The following ZFP1 variants were observed in gnomAD, a reference collection of about 807,000 sequenced individuals.
ZFP1 encodes ZFP1 zinc finger protein.
In ZFP1, 32 loss-of-function variants were observed where a neutral mutation model predicts 38.5. That is an observed-to-expected ratio of 0.83 (90% CI 0.63 to 1.12). The LOEUF (loss-of-function observed/expected upper bound fraction) is 1.12, where lower values mean the gene tolerates loss of function less well. Ranked by LOEUF, ZFP1 falls within the 50% of genes most tolerant of loss-of-function variation. ZFP1 has a pLI of 0.00. For synonymous variants in ZFP1, 245 were observed against 168.8 expected (o/e 1.45, Z -3.50); for missense variants, 616 against 480.8 (o/e 1.28, Z -2.63).
the ZFP1 span, among the ~76,000 whole-genome samples, chr16:75,134,634 C>T: frequency 6.6e-6 from 1 of 151,828 alleles, no homozygotes; most frequent in South Asian, 2.1e-4. Context: ...CACCTGTAGT[C>T]CCAGCTACTC....
At chr16:75,168,115 C>T (rs913999365) in intron 3 of ZFP1, among the ~76,000 whole-genome samples, 33 of 152,064 alleles carry the variant, frequency 2.2e-4, no homozygotes, top group African/African-American at 7.5e-4. Flanking sequence ...CCTTGGCCTC[C>T]CAAAGTGCTG....
intron 2 of ZFP1, 125 bp from the exon 3 acceptor site, chr16:75,166,643 AAC>A: frequency 6.5e-7 from 1 of 1,527,046 alleles, no homozygotes; most frequent in East Asian, 2.3e-5. Flanking sequence ...CATGAACAAA[AAC>A]AGTGAACAAG....
rs535727175 is a variant in ZFP1, at chr16:75,152,851, G to A, written c.-43-58G>A. The A allele has an allele frequency of 2.7e-6, 4 of 1,496,424 alleles. No homozygotes were observed. In the South Asian group the frequency reaches 4.8e-5, roughly 18 times the overall value. 92.7% of individuals were successfully genotyped at this position (1,496,424 alleles called of 1,614,324 possible). A position where few individuals can be genotyped will look rare whatever the true frequency, so the allele number is the denominator to read the frequency against. On this transcript the variant is annotated intron_variant, in intron 1 of 3. Transcript: ENST00000570010. ...GGGGTTTCTAAACAAGTCATTCTAG[G>A]AGTTGTAAGGCAGGTCAGACCTTTA...
the ZFP1 span, among the ~76,000 whole-genome samples, chr16:75,139,391 A>C: frequency 7.6e-6 from 1 of 131,128 alleles, no homozygotes; most frequent in African/African-American, 4.3e-5. Context: ...AAAAAAAAAA[A>C]AAAAACACCG....
At chr16:75,124,837 TA>T in the ZFP1 span, among the ~76,000 whole-genome samples, 1,014 of 139,288 alleles carry the variant, frequency 7.3e-3, 6 homozygotes, top group Non-Finnish European at 0.012. Flanking sequence ...AAAAGAGATG[TA>T]AAAAAAAGTT....
At chr16:75,165,497 C>G (rs1433196550) in intron 2 of ZFP1, among the ~76,000 whole-genome samples, 1 of 151,968 alleles carries the variant, frequency 6.6e-6, no homozygotes, top group African/African-American at 2.4e-5. Context: ...CAGGTTCAAG[C>G]AATTCTCCTG....
chr16:75,122,100 C>A, the ZFP1 span, among the ~76,000 whole-genome samples: 2 of 152,204 alleles, frequency 1.3e-5, no homozygotes, highest in African/African-American at 2.4e-5. Flanking sequence ...TTAGTTTTCT[C>A]AGCAAGGCAA....
the ZFP1 span, among the ~76,000 whole-genome samples, chr16:75,123,093 C>T: frequency 3.9e-5 from 6 of 151,968 alleles, no homozygotes; most frequent in African/African-American, 1.5e-4. Flanking sequence ...GTGGCTCACA[C>T]CTGTAATCCC....
intron 3 of ZFP1, among the ~76,000 whole-genome samples, 183 bp downstream of exon 3, chr16:75,167,079 C>T (rs1030675481): frequency 6.6e-6 from 1 of 152,208 alleles, no homozygotes; most frequent in South Asian, 2.1e-4. Context: ...CTTCTGAAGT[C>T]CAGGCAATTA....
chr16:75,138,024 CTTTTTTTTTTTTTTT>C, the ZFP1 span, among the ~76,000 whole-genome samples: 12 of 64,974 alleles, frequency 1.8e-4, no homozygotes, highest in East Asian at 5.0e-4. Context: ...CTCCCACTTC[CTTTTTTTTTTTTTTT>C]TTTTTTTTTT....
intron 2 of ZFP1, among the ~76,000 whole-genome samples, chr16:75,155,870 C>T (rs914271316): frequency 5.9e-5 from 9 of 152,072 alleles, no homozygotes; most frequent in African/African-American, 2.2e-4. Context: ...ATTTAGTTAA[C>T]AAACTATAAC....
the ZFP1 span, among the ~76,000 whole-genome samples, chr16:75,138,724 C>G: frequency 6.6e-6 from 1 of 152,202 alleles, no homozygotes; most frequent in Non-Finnish European, 1.5e-5. Flanking sequence ...CAGAGCCAGC[C>G]GCAGCAGCGA....
upstream of ZFP1, among the ~76,000 whole-genome samples, chr16:75,146,310 C>T (rs1374348721): frequency 6.6e-6 from 1 of 152,020 alleles, no homozygotes; most frequent in Non-Finnish European, 1.5e-5. Flanking sequence ...CTACAGGTGC[C>T]CGCCACCACG....
At chr16:75,149,521 A>G (rs990941325) in intron 1 of ZFP1, among the ~76,000 whole-genome samples, 2 of 140,056 alleles carry the variant, frequency 1.4e-5, no homozygotes, top group East Asian at 2.1e-4. Flanking sequence ...TTGTAATACT[A>G]TATTTTTGTA....
chr16:75,139,455 G>A, the ZFP1 span, among the ~76,000 whole-genome samples: 3 of 151,376 alleles, frequency 2.0e-5, no homozygotes, highest in African/African-American at 7.3e-5. Flanking sequence ...ACTTAAGGAG[G>A]TTGAACCAGG....
upstream of ZFP1, among the ~76,000 whole-genome samples, chr16:75,145,836 C>G (rs1339812367): frequency 6.6e-6 from 1 of 152,180 alleles, no homozygotes; most frequent in African/African-American, 2.4e-5. Context: ...TTTCTGGATG[C>G]TGGACAAGGA....
chr16:75,133,043 T>A, the ZFP1 span, among the ~76,000 whole-genome samples: 2 of 152,014 alleles, frequency 1.3e-5, no homozygotes, highest in Non-Finnish European at 2.9e-5. Context: ...AGTGGTGCGA[T>A]CTTGGCTCAC....
chr16:75,128,717 C>A, the ZFP1 span, among the ~76,000 whole-genome samples: 1 of 152,178 alleles, frequency 6.6e-6, no homozygotes, highest in Non-Finnish European at 1.5e-5. Context: ...TGAACTGAAG[C>A]TGGACAACTT....
At chr16:75,163,666 C>T (rs2037908736) in intron 2 of ZFP1, among the ~76,000 whole-genome samples, 1 of 150,102 alleles carries the variant, frequency 6.7e-6, no homozygotes. Flanking sequence ...GGCTGAAGTG[C>T]AGTGGCATGA....
Sources: allele counts gnomAD v4.1 joint callset (sites outside exome capture counted in the v4.1 genomes callset), GRCh38; gene constraint gnomAD v4.1.1; transcripts MANE v1.5; gene names NCBI Gene and HGNC (gene_info 2026-07-23, HGNC 2026-07-21).